Variants in DNAJC3 observed in about 807,000 individuals in gnomAD.
DNAJC3 encodes the protein dnaJ homolog subfamily C member 3.
Under a neutral mutation model 68.6 loss-of-function variants are expected in DNAJC3, and 38 were observed. The ratio of observed to expected loss-of-function variants is 0.55; its 90% confidence interval spans 0.43 to 0.73. DNAJC3 has a LOEUF of 0.73. Ranked by LOEUF, DNAJC3 falls within the 30% of genes least tolerant of loss-of-function variation. DNAJC3 has a pLI of 0.00. For synonymous variants in DNAJC3, 203 were observed against 204.0 expected, an observed-to-expected ratio of 1.00 and a Z score of 0.04; for missense variants, 526 against 591.9, an observed-to-expected ratio of 0.89 and a Z score of 1.16.
chr13:95,693,546 C>T (rs1279060069), intron 1 of DNAJC3: 1 of 150,900 alleles, frequency 6.6e-6, no homozygotes, highest in Non-Finnish European at 1.5e-5. Context: ...ATTATCCCCA[C>T]CTCTTCCCCC....
At chr13:95,697,739 C>CT (rs1343401289) in intron 1 of DNAJC3, among the ~76,000 whole-genome samples, 103 of 127,186 alleles carry the variant, frequency 8.1e-4, no homozygotes, top group South Asian at 2.2e-3. Flanking sequence ...AAAACAAATT[C>CT]TTTTTTTTTG....
chr13:95,757,656 C>T lies in DNAJC3; in HGVS notation c.406C>T (p.Pro136Ser). 1 of 1,562,700 alleles carries T rather than the reference C, an allele frequency of 6.4e-7. No individual in the cohort carries two copies. The highest frequency in any genetic ancestry group is 8.8e-7 in the Non-Finnish European group (1 of 1,141,950). The part of the protein sequence containing the change: ...DDFKKVLKSN[P>S]SENEEKEAQS... ...ATTTTCCTTATAGCTCAAATCTAAT[C>T]CAAGTGAAAATGAAGAAAAGGAAGC... The change falls in exon 5 of 12, where the codon CCA becomes TCA. Residue 136 changes from proline (P) to serine (S), a missense_variant. Transcript: ENST00000602402.
At chr13:95,685,544 G>A (rs1880050406) in intron 1 of DNAJC3, among the ~76,000 whole-genome samples, 1 of 152,164 alleles carries the variant, frequency 6.6e-6, no homozygotes, top group African/African-American at 2.4e-5. Flanking sequence ...CTGTTGAGAA[G>A]GGATGATTGT....
chr13:95,742,767 A>C (rs1430380048), intron 4 of DNAJC3: 1 of 518,886 alleles, frequency 1.9e-6, no homozygotes, highest in Admixed American at 1.9e-5. Flanking sequence ...TGCCTTCCTC[A>C]GTCTTTAAAT....
chr13:95,737,505 T>A (rs1200411489), intron 4 of DNAJC3, among the ~76,000 whole-genome samples: 2 of 151,744 alleles, frequency 1.3e-5, no homozygotes, highest in African/African-American at 4.9e-5. Context: ...CAGCTCCTGT[T>A]ATTGGTCTAT....
rs1239580558 is a variant in DNAJC3 at position 95,691,554 on chromosome 13, G to A, written c.82+14217G>A. On this transcript the variant is annotated intron_variant, in intron 1 of 11. Coordinates refer to ENST00000602402, the MANE Select transcript of DNAJC3 (RefSeq NM_006260.5). The stretch of plus-strand genomic sequence containing the variant: ...GATGGGATGGCGGCCGGGCAGAGAC[G>A]CTCCTCACTTTCCAGACTAGGCAGC... 1.2e-4 allele frequency among the ~76,000 whole-genome samples: 18 copies of A among 150,976 alleles called. No individual in the cohort carries two copies. In the South Asian group the frequency reaches 2.3e-3, roughly 19 times the overall value.
At chr13:95,747,397 A>G (rs1196571576) in intron 4 of DNAJC3, among the ~76,000 whole-genome samples, 7 of 152,192 alleles carry the variant, frequency 4.6e-5, no homozygotes, top group Non-Finnish European at 8.8e-5. Flanking sequence ...GAATTTTAAA[A>G]GGATGCATCC....
intron 2 of DNAJC3, among the ~76,000 whole-genome samples, chr13:95,715,741 C>T (rs1881121194): frequency 6.6e-6 from 1 of 151,956 alleles, no homozygotes; most frequent in South Asian, 2.1e-4. Context: ...CCCCCCTTGG[C>T]CTCCAAAAAT....
chr13:95,729,376 T>TTCTCCCTCTCCC (rs374776275), intron 4 of DNAJC3, among the ~76,000 whole-genome samples: 13 of 128,336 alleles, frequency 1.0e-4, no homozygotes, highest in Middle Eastern at 4.3e-3. Context: ...CTGCCTATCC[T>TTCTCCCTCTCCC]TCTCCCTCTC....
At chr13:95,753,168 C>T (rs1418386662) in intron 4 of DNAJC3, among the ~76,000 whole-genome samples, 1 of 152,170 alleles carries the variant, frequency 6.6e-6, no homozygotes, top group African/African-American at 2.4e-5. Context: ...TATGGTTGTA[C>T]ATGCTGTGTG....
chr13:95,773,737 T>C (rs1470621459), intron 9 of DNAJC3, among the ~76,000 whole-genome samples: 3 of 138,128 alleles, frequency 2.2e-5, no homozygotes, highest in African/African-American at 8.2e-5. Flanking sequence ...TGGTCTTTTT[T>C]TTTTTTTTTT....
At chr13:95,694,767 G>A (rs1793182431) in intron 1 of DNAJC3, 1 of 152,510 alleles carries the variant, frequency 6.6e-6, no homozygotes, top group Admixed American at 6.6e-5. Context: ...CTCTTCAGTT[G>A]CCCATATCAA....
chr13:95,732,600 ATTTG>A (rs1050512148), intron 4 of DNAJC3, among the ~76,000 whole-genome samples: 1 of 151,470 alleles, frequency 6.6e-6, no homozygotes, highest in Non-Finnish European at 1.5e-5. Flanking sequence ...TGGTTTATCA[ATTTG>A]TTTATCTTTT....
At chr13:95,724,731 G>A (rs1362331280) in intron 3 of DNAJC3, among the ~76,000 whole-genome samples, 3 of 152,116 alleles carry the variant, frequency 2.0e-5, no homozygotes, top group Non-Finnish European at 2.9e-5. Flanking sequence ...ATGTAACATC[G>A]TATAATGTTT....
At chr13:95,750,284 A>C (rs1414183916) in intron 4 of DNAJC3, among the ~76,000 whole-genome samples, 2 of 149,814 alleles carry the variant, frequency 1.3e-5, no homozygotes, top group African/African-American at 4.9e-5. Context: ...AAAAAAAAAA[A>C]CCCAGAAAAC....
chr13:95,702,938 A>C (rs993646630), intron 1 of DNAJC3, among the ~76,000 whole-genome samples: 1 of 152,244 alleles, frequency 6.6e-6, no homozygotes, highest in African/African-American at 2.4e-5. Flanking sequence ...ATATTCAGTT[A>C]TATAAAGACT....
chr13:95,788,692 C>T (rs1184881784), intron 11 of DNAJC3, among the ~76,000 whole-genome samples: 1 of 152,144 alleles, frequency 6.6e-6, no homozygotes, highest in Non-Finnish European at 1.5e-5. Flanking sequence ...TAAGTAATTA[C>T]ATAATGTGAA....
intron 1 of DNAJC3, among the ~76,000 whole-genome samples, chr13:95,704,350 A>G (rs570118273): frequency 3.9e-5 from 6 of 152,366 alleles, no homozygotes; most frequent in African/African-American, 1.4e-4. Flanking sequence ...AGATAGCATC[A>G]TATAATGGTC....
intron 1 of DNAJC3, among the ~76,000 whole-genome samples, chr13:95,689,774 C>G (rs192798816): frequency 1.3e-5 from 2 of 151,866 alleles, no homozygotes; most frequent in African/African-American, 2.4e-5. Flanking sequence ...TTGTGGTATC[C>G]CAGAGGTTTT....
Sources: gnomAD v4.1 joint callset for allele counts (sites outside exome capture counted in the v4.1 genomes callset) on GRCh38, gnomAD v4.1.1 for gene constraint, MANE v1.5 for transcripts, NCBI Gene and HGNC (gene_info 2026-07-23, HGNC 2026-07-21) for gene names.